The following THADA variants were observed in gnomAD, a reference collection of about 807,000 sequenced individuals.
The protein encoded by THADA is tRNA (32-2'-O)-methyltransferase regulator THADA.
Under a neutral mutation model 219.8 loss-of-function variants are expected in THADA, and 213 were observed. That is an observed-to-expected ratio of 0.97 (90% confidence interval 0.87 to 1.09). The LOEUF is 1.09. Among genes scored for constraint, THADA ranks in the 50% least tolerant of loss-of-function variants. The probability of loss-of-function intolerance (pLI) is 0.00; values close to 1 mark genes in which losing one functional copy is unlikely to be tolerated. For synonymous variants in THADA, 1,018 were observed against 828.9 expected (o/e 1.23, Z -3.92); for missense variants, 2,956 against 2,311.3 (o/e 1.28, Z -5.72).
At chr2:43,510,660 TAAA>T (rs397729303) in intron 22 of THADA, among the ~76,000 whole-genome samples, 8 of 122,358 alleles carry the variant, frequency 6.5e-5, no homozygotes, top group African/African-American at 6.2e-5. Flanking sequence ...TTCTTCACTG[TAAA>T]AAAAAAAAAA....
rs1559027786 is a variant in THADA at position 43,585,581 on chromosome 2, A to AGAT, written c.533+819_533+820insATC. Among the ~76,000 whole-genome samples the AGAT allele has an allele frequency of 1.2e-4, 17 of 144,418 alleles. 1 individual carries two copies. In the East Asian group the frequency reaches 3.1e-3, roughly 26 times the overall value. The allele number at this position is 144,418 out of a possible 152,430, so 94.7% of individuals were successfully genotyped here. ...ATAGATAGATAGATAGATAGATAGA[A>AGAT]AGAAATACATAATTGCCCAGCCAAG... On this transcript the variant is annotated intron_variant, in intron 7 of 37. Transcript: ENST00000405975.
chr2:43,458,931 T>A (rs1683319909), intron 26 of THADA, among the ~76,000 whole-genome samples: 1 of 152,182 alleles, frequency 6.6e-6, no homozygotes, highest in African/African-American at 2.4e-5. Context: ...AACTGTATTA[T>A]GTTGATCTTC....
At chr2:43,374,070 T>A (rs1671102537) in intron 29 of THADA, among the ~76,000 whole-genome samples, 1 of 152,204 alleles carries the variant, frequency 6.6e-6, no homozygotes, top group Non-Finnish European at 1.5e-5. Flanking sequence ...TGCACATCAA[T>A]TTTGGAATTT....
Position 43,293,140 on chromosome 2 carries a change from A to C in THADA, c.4512T>G (p.Pro1504=). 6.2e-7 allele frequency: 1 copy of C among 1,614,032 alleles called. No individual in the cohort carries two copies. Among genetic ancestry groups the C allele is most frequent in the Non-Finnish European group, 8.5e-7 (1 of 1,179,904 alleles). Residue 1504 remains proline (P), a synonymous_variant, in exon 32 of 38, where the codon CCT becomes CCG. Transcript: ENST00000405975. The stretch of plus-strand genomic sequence containing the variant: ...GCAGGCCTGGCACCTTGAAGGCCCA[A>C]GGGAATCCCGTTATCAGCTCTGATC... The part of the protein sequence containing the change: ...ISGSELITGF[P]WAFKVPGLPQ...
Position 43,320,445 on chromosome 2 carries a change from CCTGG to C in THADA, c.4435_4438del (p.Pro1479PhefsTer20). On this transcript the variant is annotated frameshift_variant and splice_region_variant, in exon 31 of 38. Transcript: ENST00000405975. LOFTEE classifies it high-confidence loss of function. ...AAATACAGTATAACTATGAATCATA[CCTGG>C]CTGGTTGTCCTTTGCAGATCTGTTG... 1 of 1,609,004 alleles carries C rather than the reference CCTGG, an allele frequency of 6.2e-7. No homozygotes were observed. The highest frequency in any genetic ancestry group is 8.5e-7 in the Non-Finnish European group (1 of 1,176,502).
At chr2:43,566,615 A>G in intron 15 of THADA, 83 bp downstream of exon 15, 1 of 1,456,880 alleles carries the variant, frequency 6.9e-7, no homozygotes, top group Non-Finnish European at 9.6e-7. Flanking sequence ...ACAAAACTGA[A>G]ACTTCAAATA....
intron 26 of THADA, among the ~76,000 whole-genome samples, chr2:43,477,278 G>C (rs563463564): frequency 6.6e-6 from 1 of 152,206 alleles, no homozygotes; most frequent in South Asian, 2.1e-4. Flanking sequence ...GGAAGAGAGA[G>C]AATCTCCATG....
chr2:43,337,676 C>T (rs1666616326), intron 30 of THADA, among the ~76,000 whole-genome samples: 1 of 149,436 alleles, frequency 6.7e-6, no homozygotes, highest in South Asian at 2.2e-4. Context: ...GGCAATAACC[C>T]ACAATCACAC....
At chr2:43,367,060 T>C (rs966047691) in intron 29 of THADA, among the ~76,000 whole-genome samples, 1 of 152,174 alleles carries the variant, frequency 6.6e-6, no homozygotes, top group Non-Finnish European at 1.5e-5. Flanking sequence ...TGAGACATAA[T>C]ACAAAGTGAA....
intron 22 of THADA, among the ~76,000 whole-genome samples, chr2:43,525,590 G>C (rs1225151374): frequency 6.6e-6 from 1 of 152,282 alleles, no homozygotes; most frequent in South Asian, 2.1e-4. Flanking sequence ...CAGCCTTCTA[G>C]CTAGTCCCAC....
At chr2:43,344,491 A>T (rs918265851) in intron 29 of THADA, among the ~76,000 whole-genome samples, 11 of 152,222 alleles carry the variant, frequency 7.2e-5, no homozygotes, top group Admixed American at 3.3e-4. Context: ...TGGCCCAACA[A>T]TCATCTGCCA....
At chr2:43,550,101 G>A (rs1478220934) in intron 19 of THADA, among the ~76,000 whole-genome samples, 1 of 152,170 alleles carries the variant, frequency 6.6e-6, no homozygotes. Flanking sequence ...TCATTACTGA[G>A]TGACGAGTGC....
chr2:43,505,614 A>G lies in THADA; in HGVS notation c.3621+8T>C. 6.4e-7 allele frequency: 1 copy of G among 1,563,538 alleles called. No individual in the cohort carries two copies. Among genetic ancestry groups the G allele is most frequent in the Non-Finnish European group, 8.7e-7 (1 of 1,146,454 alleles). ...AACACTGGAGGGTTTGTGTATTTCC[A>G]TGATTACCTGGGGGACTGTACTCTG... On this transcript the variant is annotated splice_region_variant and intron_variant, in intron 24 of 37. Transcript: ENST00000405975.
At chr2:43,573,750 T>C (rs12470831) in intron 11 of THADA, among the ~76,000 whole-genome samples, 55,320 of 152,042 alleles carry the variant, frequency 0.36, 10,646 homozygotes, top group African/African-American at 0.49. Context: ...ATGTAATAAT[T>C]TTAAGATTTA....
intron 12 of THADA, 79 bp downstream of exon 12, chr2:43,572,735 A>G (rs1558997627): frequency 1.5e-6 from 2 of 1,315,204 alleles, no homozygotes; most frequent in South Asian, 1.4e-5. Context: ...TCAGGATACA[A>G]TGTAGGGGCC....
At chr2:43,592,738 A>G (rs961168830) in intron 1 of THADA, 4 of 177,792 alleles carry the variant, frequency 2.2e-5, no homozygotes, top group African/African-American at 9.4e-5. Flanking sequence ...TTTACCTACT[A>G]TGACTCAGTC....
chr2:43,442,490 G>GT (rs1385416272), intron 26 of THADA, among the ~76,000 whole-genome samples: 2 of 152,104 alleles, frequency 1.3e-5, no homozygotes, highest in African/African-American at 4.8e-5. Flanking sequence ...TGAAAAATTA[G>GT]TAAGACTGGA....
intron 26 of THADA, among the ~76,000 whole-genome samples, chr2:43,474,455 A>C (rs908225682): frequency 6.6e-6 from 1 of 152,144 alleles, no homozygotes; most frequent in Non-Finnish European, 1.5e-5. Flanking sequence ...TTCAAGTGTT[A>C]TCTCTCCTCC....
At chr2:43,524,147 T>C (rs1201744033) in intron 22 of THADA, among the ~76,000 whole-genome samples, 1 of 152,200 alleles carries the variant, frequency 6.6e-6, no homozygotes, top group African/African-American at 2.4e-5. Context: ...AACAGGAATA[T>C]TTCACTGACT....
Sources: allele counts gnomAD v4.1 joint callset (sites outside exome capture counted in the v4.1 genomes callset), GRCh38; gene constraint gnomAD v4.1.1; transcripts MANE v1.5; gene names NCBI Gene and HGNC (gene_info 2026-07-23, HGNC 2026-07-21).